ATP2B2: variants seen among roughly 807,000 people sequenced by gnomAD.
The protein encoded by ATP2B2 is plasma membrane calcium-transporting ATPase 2.
Under a neutral mutation model 120.0 loss-of-function variants are expected in ATP2B2, and 15 were observed. The observed-to-expected ratio is 0.12, with a 90% CI of 0.08 to 0.19. The LOEUF (loss-of-function observed/expected upper bound fraction) is 0.19. Ranked by LOEUF, ATP2B2 falls within the 10% of genes least tolerant of loss-of-function variation. The pLI is 1.00. For synonymous variants in ATP2B2, 694 were observed against 700.3 expected, an observed-to-expected ratio of 0.99 and a Z score of 0.14; for missense variants, 1,045 against 1,719.8, an observed-to-expected ratio of 0.61 and a Z score of 6.94.
intron 1 of ATP2B2, among the ~76,000 whole-genome samples, chr3:10,485,983 G>A (rs890656277): frequency 6.6e-5 from 10 of 152,200 alleles, no homozygotes; most frequent in Admixed American, 3.3e-4. Flanking sequence ...ATTGCGACAT[G>A]GGGCCGAGGG....
chr3:10,513,170 C>CT (rs2066807190), intron 3 of ATP2B2, among the ~76,000 whole-genome samples: 1 of 110,824 alleles, frequency 9.0e-6, no homozygotes, highest in Admixed American at 8.2e-5. Flanking sequence ...GCAGGAGGCC[C>CT]CGGTGTCTCT....
chr3:10,654,194 G>A (rs1293536581), intron 1 of ATP2B2, among the ~76,000 whole-genome samples: 1 of 152,074 alleles, frequency 6.6e-6, no homozygotes, highest in Admixed American at 6.5e-5. Context: ...AGATATTGAG[G>A]GTGGACTCGG....
intron 3 of ATP2B2, among the ~76,000 whole-genome samples, chr3:10,526,269 C>T (rs1385903766): frequency 2.0e-5 from 3 of 152,292 alleles, no homozygotes; most frequent in Admixed American, 1.3e-4. Flanking sequence ...CCTGCAAAGA[C>T]GGTGTGTACC....
intron 2 of ATP2B2, among the ~76,000 whole-genome samples, chr3:10,617,872 C>T (rs1022772461): frequency 6.9e-6 from 1 of 145,286 alleles, no homozygotes; most frequent in Non-Finnish European, 1.5e-5. Flanking sequence ...ACCTGGCCCC[C>T]ACCAGGTGAT....
intron 2 of ATP2B2, among the ~76,000 whole-genome samples, chr3:10,614,226 G>A (rs541544106): frequency 9.2e-5 from 14 of 152,184 alleles, no homozygotes; most frequent in East Asian, 1.9e-4. Flanking sequence ...GTTCACTGCC[G>A]TATTCCTAGT....
intron 1 of ATP2B2, among the ~76,000 whole-genome samples, chr3:10,455,598 A>G (rs1374281553): frequency 6.6e-6 from 1 of 152,210 alleles, no homozygotes; most frequent in Non-Finnish European, 1.5e-5. Flanking sequence ...GTTATTAGCA[A>G]ATGTTCCTCC....
chr3:10,562,687 T>C (rs1213320969), intron 2 of ATP2B2, among the ~76,000 whole-genome samples: 3 of 152,228 alleles, frequency 2.0e-5, no homozygotes, highest in African/African-American at 7.2e-5. Context: ...ATTGAATTGG[T>C]AGCAGTGTTA....
chr3:10,484,408 G>C (rs78528596), intron 1 of ATP2B2, among the ~76,000 whole-genome samples: 1,918 of 152,206 alleles, frequency 0.013, 44 homozygotes, highest in African/African-American at 0.044. Flanking sequence ...TCTGCATGCA[G>C]GTGAGGATCC....
intron 6 of ATP2B2, 103 bp from the exon 7 acceptor site, chr3:10,386,615 G>GTGTGTTT: frequency 7.8e-7 from 1 of 1,277,514 alleles, no homozygotes; most frequent in Non-Finnish European, 1.1e-6. Context: ...ATACACACAT[G>GTGTGTTT]GCCATACACC....
chr3:10,470,473 A>T (rs1446310722), intron 1 of ATP2B2, among the ~76,000 whole-genome samples: 1 of 152,126 alleles, frequency 6.6e-6, no homozygotes, highest in African/African-American at 2.4e-5. Context: ...TGAGTTAAGT[A>T]CAGGACTGAG....
chr3:10,331,840 C>G (rs1356789400), intron 22 of ATP2B2: 1 of 729,470 alleles, frequency 1.4e-6, no homozygotes, highest in African/African-American at 1.8e-5. Flanking sequence ...GACCCATGCC[C>G]GTTGTCAGAG....
intron 10 of ATP2B2, among the ~76,000 whole-genome samples, chr3:10,377,232 G>A (rs2061406552): frequency 6.6e-6 from 1 of 152,116 alleles, no homozygotes; most frequent in Non-Finnish European, 1.5e-5. Context: ...GCGGTATAGA[G>A]GATAGAGGAA....
intron 1 of ATP2B2, among the ~76,000 whole-genome samples, chr3:10,649,150 C>T (rs1464734971): frequency 6.6e-6 from 1 of 152,218 alleles, no homozygotes; most frequent in African/African-American, 2.4e-5. Flanking sequence ...TTTAAGTGAT[C>T]TTCCCACCTT....
chr3:10,530,019 C>T (rs1461599145), intron 3 of ATP2B2, among the ~76,000 whole-genome samples: 1 of 152,300 alleles, frequency 6.6e-6, no homozygotes, highest in East Asian at 1.9e-4. Context: ...TGATCTTGGA[C>T]TCCTAGTCTC....
At chr3:10,446,810 G>C (rs2063851986) in intron 2 of ATP2B2, among the ~76,000 whole-genome samples, 1 of 152,238 alleles carries the variant, frequency 6.6e-6, no homozygotes, top group Non-Finnish European at 1.5e-5. Flanking sequence ...AGAGAGGTCA[G>C]ACGAAAAGGC....
At chr3:10,392,448 G>GGGCAA (rs201865563) in intron 5 of ATP2B2, among the ~76,000 whole-genome samples, 1,731 of 152,308 alleles carry the variant, frequency 0.011, 39 homozygotes, top group African/African-American at 0.039. Context: ...AGCTCCACGA[G>GGGCAA]TCCCCTGCAG....
intron 2 of ATP2B2, among the ~76,000 whole-genome samples, chr3:10,536,740 C>T (rs905609810): frequency 6.6e-5 from 10 of 152,092 alleles, no homozygotes; most frequent in Non-Finnish European, 1.3e-4. Flanking sequence ...GTTGCCCAGG[C>T]TGGTCCTGAA....
At chr3:10,531,942 C>T (rs1180998790) in intron 3 of ATP2B2, among the ~76,000 whole-genome samples, 1 of 152,112 alleles carries the variant, frequency 6.6e-6, no homozygotes, top group Admixed American at 6.5e-5. Context: ...AAGTTCATCA[C>T]TTAGGGTCTG....
At chr3:10,445,064 G>A (rs2063792942) in intron 2 of ATP2B2, among the ~76,000 whole-genome samples, 1 of 152,172 alleles carries the variant, frequency 6.6e-6, no homozygotes, top group Admixed American at 6.5e-5. Context: ...ATTGGGCACC[G>A]CCAGTGTCTT....
Sources: gnomAD v4.1 joint callset for allele counts (sites outside exome capture counted in the v4.1 genomes callset) on GRCh38, gnomAD v4.1.1 for gene constraint, MANE v1.5 for transcripts, NCBI Gene and HGNC (gene_info 2026-07-23, HGNC 2026-07-21) for gene names.